The following SNRNP40 variants were observed in gnomAD, a reference collection of about 807,000 sequenced individuals.
The protein encoded by SNRNP40 is small nuclear ribonucleoprotein U5 subunit 40, also known as U5 small nuclear ribonucleoprotein 40 kDa protein.
A neutral mutation model predicts 45.8 loss-of-function variants in SNRNP40; 21 were observed. That is an observed-to-expected ratio of 0.46 (90% CI 0.32 to 0.66). The LOEUF (loss-of-function observed/expected upper bound fraction) is 0.66, where lower values mean the gene tolerates loss of function less well. Among genes scored for constraint, SNRNP40 ranks in the 30% least tolerant of loss-of-function variants. The pLI, the probability that SNRNP40 is intolerant of heterozygous loss-of-function variation, is 0.03. For synonymous variants in SNRNP40, 142 were observed against 163.8 expected, an observed-to-expected ratio of 0.87 and a Z score of 1.01; for missense variants, 344 against 439.1, an observed-to-expected ratio of 0.78 and a Z score of 1.94.
At chr1:31,285,824 A>G (rs986253735) in intron 4 of SNRNP40, among the ~76,000 whole-genome samples, 16 of 152,130 alleles carry the variant, frequency 1.1e-4, no homozygotes, top group Non-Finnish European at 2.1e-4. Context: ...GGTTTGTCTT[A>G]TGTTTCCTCT....
At chr1:31,267,161 A>G (rs1645902598) in intron 8 of SNRNP40, among the ~76,000 whole-genome samples, 1 of 152,160 alleles carries the variant, frequency 6.6e-6, no homozygotes, top group Non-Finnish European at 1.5e-5. Flanking sequence ...GAGAACGCAA[A>G]AGGAGGTTAG....
At chr1:31,284,133 G>C (rs572282245) in intron 4 of SNRNP40, among the ~76,000 whole-genome samples, 56 of 152,268 alleles carry the variant, frequency 3.7e-4, no homozygotes, top group Admixed American at 1.4e-3. Context: ...TGAGATGGGA[G>C]GATCGCTTGG....
chr1:31,285,408 T>C (rs1438675695), intron 4 of SNRNP40, among the ~76,000 whole-genome samples: 1 of 152,122 alleles, frequency 6.6e-6, no homozygotes, highest in Non-Finnish European at 1.5e-5. Context: ...GCCCGGCTTT[T>C]TTGTATTTTT....
chr1:31,289,013 A>G (rs7518863), intron 4 of SNRNP40, among the ~76,000 whole-genome samples: 84,206 of 152,160 alleles, frequency 0.55, 24,018 homozygotes, highest in Non-Finnish European at 0.63. Context: ...TTACAGGCGT[A>G]AGCCACAGCA....
At chr1:31,273,589 G>A (rs1046549634) in intron 5 of SNRNP40, among the ~76,000 whole-genome samples, 2 of 150,728 alleles carry the variant, frequency 1.3e-5, no homozygotes, top group African/African-American at 2.4e-5. Context: ...GCAGTGAGCC[G>A]AGATCACACA....
At chr1:31,276,578 T>C (rs1165813055) in intron 5 of SNRNP40, among the ~76,000 whole-genome samples, 4 of 152,014 alleles carry the variant, frequency 2.6e-5, no homozygotes, top group African/African-American at 9.7e-5. Context: ...GGAGCAGCTA[T>C]GTGATAATAA....
intron 4 of SNRNP40, among the ~76,000 whole-genome samples, chr1:31,282,942 C>T (rs1013659570): frequency 1.3e-5 from 2 of 152,182 alleles, no homozygotes; most frequent in Non-Finnish European, 2.9e-5. Context: ...TCCCAAAGTG[C>T]TAAGATTACA....
chr1:31,296,637 C>A lies in SNRNP40; in HGVS notation c.115G>T (p.Ala39Ser). ...GCTTGCAGCAAGGCTCCCGGCGTCGCCTGCTGCTGCCCGGCTCCTGGGCCA... is the reference window on the plus strand; with the variant it reads ...GCTTGCAGCAAGGCTCCCGGCGTCGACTGCTGCTGCCCGGCTCCTGGGCCA... ...GSGPGAGQQQ[A>S]TPGALLQAGP... Residue 39 changes from alanine to serine, a missense_variant, in exon 1 of 10, where the codon GCG (alanine) becomes TCG (serine). Physicochemically the swap from Ala to Ser is moderately conservative, Grantham distance 99. Around this residue, in one of 2 missense-constraint regions of SNRNP40, gnomAD observed 90 missense variants for 58.9 expected, o/e 1.53. Coordinates refer to ENST00000263694, the MANE Select transcript of SNRNP40 (RefSeq NM_004814.3). 3 of 1,612,656 alleles carry A rather than the reference C, an allele frequency of 1.9e-6. No homozygotes were observed. Among genetic ancestry groups the A allele is most frequent in the Non-Finnish European group, 2.5e-6 (3 of 1,179,438 alleles).
chr1:31,289,969 C>G (rs1405988091), intron 3 of SNRNP40, among the ~76,000 whole-genome samples: 4 of 152,094 alleles, frequency 2.6e-5, no homozygotes, highest in African/African-American at 9.7e-5. Flanking sequence ...AAGTGATCCT[C>G]CCACCTCAGC....
At chr1:31,287,144 T>C (rs34556466) in intron 4 of SNRNP40, among the ~76,000 whole-genome samples, 21,404 of 152,184 alleles carry the variant, frequency 0.14, 1,649 homozygotes, top group African/African-American at 0.17. Flanking sequence ...ACTGAAGTTA[T>C]TCAATTCCTG....
rs1201200685 is a variant in SNRNP40 at position 31,295,278 on chromosome 1, A to C, written c.141+1333T>G. On this transcript the variant is annotated intron_variant, in intron 1 of 9. Transcript: ENST00000263694. The stretch of plus-strand genomic sequence containing the variant: ...CTCAGGAGGCTGAGGCAGGAGGATC[A>C]CTTGAGCCCAGGTGGTGGAGGCTGT... Among the ~76,000 whole-genome samples, 8 of 152,242 alleles carry C rather than the reference A, an allele frequency of 5.3e-5. No individual in the cohort carries two copies. The East Asian group carries it at 1.4e-3, about 26-fold the overall frequency.
At chr1:31,295,433 A>C (rs1406410824) in intron 1 of SNRNP40, among the ~76,000 whole-genome samples, 1 of 152,240 alleles carries the variant, frequency 6.6e-6, no homozygotes, top group Non-Finnish European at 1.5e-5. Flanking sequence ...GAAAATCCTC[A>C]CTGAAAAAAT....
At chr1:31,271,545 A>C (rs1447701913) in intron 5 of SNRNP40, 46 bp from the exon 6 acceptor site, 2 of 1,577,902 alleles carry the variant, frequency 1.3e-6, no homozygotes, top group African/African-American at 1.4e-5. Flanking sequence ...TAATAAAAGC[A>C]GAGAAAGAGA....
At chr1:31,294,318 A>C (rs1310460142) in intron 1 of SNRNP40, among the ~76,000 whole-genome samples, 1 of 152,106 alleles carries the variant, frequency 6.6e-6, no homozygotes, top group African/African-American at 2.4e-5. Context: ...AGTAGTTTTG[A>C]TTATGGTCTT....
chr1:31,273,366 CA>C (rs545348465), intron 5 of SNRNP40, among the ~76,000 whole-genome samples: 67 of 152,146 alleles, frequency 4.4e-4, no homozygotes, highest in African/African-American at 1.5e-3. Context: ...AAATCTACAG[CA>C]GGGGTGGCTC....
At position 31,260,648 on chromosome 1, in the gene SNRNP40, G is replaced by C. The variant is rs1285713476; in HGVS notation, c.1025-527C>G. 2.6e-3 allele frequency among the ~76,000 whole-genome samples: 388 copies of C among 149,410 alleles called. 1 individual carries two copies. Among genetic ancestry groups the C allele is most frequent in the Non-Finnish European group, 4.6e-3 (304 of 66,774 alleles). ...AAGCTGAGGCGGGTGGATTACCAGA[G>C]GTCAGGAGTTTGAGACCAGCCTGGC... On this transcript the variant is annotated intron_variant, in intron 9 of 9. Transcript: ENST00000263694.
intron 8 of SNRNP40, among the ~76,000 whole-genome samples, chr1:31,262,678 C>T (rs1205698824): frequency 6.6e-6 from 1 of 151,322 alleles, no homozygotes; most frequent in African/African-American, 2.4e-5. Context: ...AAAAAAAGAG[C>T]TTATTAGAGA....
At chr1:31,271,632 G>C in intron 5 of SNRNP40, 133 bp from the exon 6 acceptor site, 2 of 853,498 alleles carry the variant, frequency 2.3e-6, no homozygotes, top group Non-Finnish European at 3.5e-6. Flanking sequence ...TTCTGTCAAA[G>C]AGAAAAACAC....
At chr1:31,279,339 C>T (rs1645999385) in intron 5 of SNRNP40, among the ~76,000 whole-genome samples, 1 of 152,126 alleles carries the variant, frequency 6.6e-6, no homozygotes, top group Non-Finnish European at 1.5e-5. Context: ...AGGTCAATAG[C>T]AAAGCTTAAA....
Sources: gnomAD v4.1 joint callset for allele counts (sites outside exome capture counted in the v4.1 genomes callset) on GRCh38, gnomAD v4.1.1 for gene constraint, gnomAD v4.1.1 regional missense constraint, MANE v1.5 for transcripts, NCBI Gene and HGNC (gene_info 2026-07-23, HGNC 2026-07-21) for gene names.